HERC1: variants seen among roughly 807,000 people sequenced by gnomAD.
HERC1 encodes the protein probable E3 ubiquitin-protein ligase HERC1.
Under a neutral mutation model 554.3 loss-of-function variants are expected in HERC1, and 160 were observed. The ratio of observed to expected loss-of-function variants is 0.29; its 90% CI spans 0.25 to 0.33. The LOEUF is 0.33. Among genes scored for constraint, HERC1 ranks in the 10% least tolerant of loss-of-function variants. HERC1 has a pLI of 1.00. For missense variants in HERC1, 4,919 were observed against 5,918.5 expected, an observed-to-expected ratio of 0.83 and a Z score of 5.54; for synonymous variants, 2,175 against 2,131.7, an observed-to-expected ratio of 1.02 and a Z score of -0.56.
chr15:63,731,212 T>C (rs1359232375), intron 14 of HERC1, among the ~76,000 whole-genome samples: 2 of 152,190 alleles, frequency 1.3e-5, no homozygotes, highest in African/African-American at 4.8e-5. Context: ...CTGTAAATAA[T>C]CATGTGCTGA....
At chr15:63,826,212 G>C (rs986932774) in intron 1 of HERC1, among the ~76,000 whole-genome samples, 1 of 152,190 alleles carries the variant, frequency 6.6e-6, no homozygotes, top group Admixed American at 6.5e-5. Flanking sequence ...GGCAGCACTT[G>C]TTACCCTAAA....
At chr15:63,750,013 TA>T (rs1286966578) in intron 8 of HERC1, among the ~76,000 whole-genome samples, 1 of 152,214 alleles carries the variant, frequency 6.6e-6, no homozygotes, top group African/African-American at 2.4e-5. Context: ...AAAATAAAAA[TA>T]ACTGGTCATA....
chr15:63,699,767 C>A (rs1596006901), intron 25 of HERC1, among the ~76,000 whole-genome samples: 1 of 118,288 alleles, frequency 8.5e-6, no homozygotes, highest in African/African-American at 2.8e-5. Context: ...AAAATCTTTA[C>A]ATTAGACAGC....
At chr15:63,723,988 T>G (rs1346994442) in intron 18 of HERC1, among the ~76,000 whole-genome samples, 2 of 152,170 alleles carry the variant, frequency 1.3e-5, no homozygotes, top group African/African-American at 4.8e-5. Flanking sequence ...AAAAATCAAT[T>G]CAACCCATAG....
intron 14 of HERC1, among the ~76,000 whole-genome samples, chr15:63,732,153 G>A (rs1206497468): frequency 6.6e-6 from 1 of 151,986 alleles, no homozygotes; most frequent in African/African-American, 2.4e-5. Flanking sequence ...GATGCCAGCC[G>A]CCACGCCTGG....
chr15:63,733,335 T>C (rs550614814), intron 13 of HERC1, among the ~76,000 whole-genome samples, 190 bp from the exon 14 acceptor site: 71 of 152,246 alleles, frequency 4.7e-4, no homozygotes, highest in Middle Eastern at 6.8e-3. Context: ...AAATGCAACT[T>C]ACAGGTTTTT....
chr15:63,781,628 A>G (rs1021982909), intron 1 of HERC1, among the ~76,000 whole-genome samples: 4 of 152,144 alleles, frequency 2.6e-5, no homozygotes, highest in African/African-American at 9.7e-5. Context: ...ACACAACAAT[A>G]TTGAAATTAG....
intron 17 of HERC1, among the ~76,000 whole-genome samples, chr15:63,726,723 T>A (rs976577454): frequency 6.6e-6 from 1 of 152,148 alleles, no homozygotes; most frequent in Non-Finnish European, 1.5e-5. Context: ...CAGGGCCAGA[T>A]AGTTTCACAG....
At position 63,703,109 on chromosome 15, in the gene HERC1, CA is replaced by C. The variant is rs372589572; in HGVS notation, c.4636+3670del. ...TGGGCTACAGAGCGAGACTCTGTCT[CA>C]AAAAAAAAAAAAAAAAAAGAGTAAA... is the stretch of plus-strand genomic sequence containing the variant. On this transcript the variant is annotated intron_variant, in intron 25 of 77. Transcript: ENST00000443617. Among the ~76,000 whole-genome samples, 904 of 91,730 alleles carry C rather than the reference CA, an allele frequency of 9.9e-3. 10 individuals are homozygous for C. The highest frequency in any genetic ancestry group is 0.031 in the African/African-American group (740 of 24,190). 60.2% of individuals were successfully genotyped at this position (91,730 alleles called of 152,430 possible).
Position 63,718,985 on chromosome 15 carries a change from G to C in HERC1, c.3743-88C>G. ...TTATAGCTTTAGTCATCCAACACCT[G>C]AATTTTATCATCTTTCTAAACTGTT... On this transcript the variant is annotated intron_variant, in intron 19 of 77. Coordinates refer to ENST00000443617, the MANE Select transcript of HERC1 (RefSeq NM_003922.4). The surrounding 1 kb of genome is among the most constrained non-coding windows in gnomAD (Gnocchi z 4.2). 2 of 800,088 alleles carry C rather than the reference G, an allele frequency of 2.5e-6. No homozygotes were observed. Among genetic ancestry groups the C allele is most frequent in the East Asian group, 2.6e-5 (1 of 38,906 alleles). The allele number at this position is 800,088 out of a possible 1,614,324, so 49.6% of individuals were successfully genotyped here.
chr15:63,693,075 G>T (rs1348023333), intron 30 of HERC1, among the ~76,000 whole-genome samples: 6 of 151,984 alleles, frequency 3.9e-5, no homozygotes, highest in Non-Finnish European at 7.4e-5. Flanking sequence ...CAGCCACTCA[G>T]GCTGAGGCAG....
At chr15:63,645,362 C>T (rs1051275557) in intron 56 of HERC1, 121 bp downstream of exon 56, 2 of 743,912 alleles carry the variant, frequency 2.7e-6, no homozygotes, top group Admixed American at 3.0e-5. Context: ...TAATGTTACA[C>T]ATTATAAGAA....
Position 63,666,046 on chromosome 15 carries a change from C to T in HERC1, c.8428G>A (p.Ala2810Thr), listed in dbSNP as rs752805265. The T allele has an allele frequency of 6.2e-7, 1 of 1,614,040 alleles. No homozygotes were observed. Among genetic ancestry groups the T allele is most frequent in the African/African-American group, 1.3e-5 (1 of 75,066 alleles). The stretch of plus-strand genomic sequence containing the variant: ...ACGGCTGCTCCAGGCCTAGAGTCTG[C>T]TGTGCTGCCCGACTGGGGCTCCTCT... ...DEEEPQSGSTADSRPGAAVLG... is the reference protein window; with the variant it reads ...DEEEPQSGSTTDSRPGAAVLG... The change falls in exon 42 of 78, where the codon GCA becomes ACA. Residue 2810 changes from alanine (A) to threonine (T), a missense_variant. Transcript: ENST00000443617.
At chr15:63,706,300 GCTTTAT>G (rs2073003407) in intron 25 of HERC1, among the ~76,000 whole-genome samples, 1 of 151,742 alleles carries the variant, frequency 6.6e-6, no homozygotes, top group Non-Finnish European at 1.5e-5. Context: ...TCTCTTACAT[GCTTTAT>G]CTTAATAGGC....
intron 24 of HERC1, among the ~76,000 whole-genome samples, 196 bp from the exon 25 acceptor site, chr15:63,707,027 A>G (rs1201201845): frequency 6.6e-6 from 1 of 152,176 alleles, no homozygotes; most frequent in Non-Finnish European, 1.5e-5. Flanking sequence ...AGCACATATA[A>G]CTCTGAAACA....
In HERC1 at chr15:63,640,193, C is replaced by G. The variant is rs371581302; in HGVS notation, c.11860G>C (p.Asp3954His). 146 of 1,613,824 alleles carry G rather than the reference C, an allele frequency of 9.0e-5. No individual in the cohort carries two copies. The highest frequency in any genetic ancestry group is 1.2e-4 in the Non-Finnish European group (138 of 1,179,844). ...AQFPESFTVP[D>H]LEPVPEDELV... is the part of the protein sequence containing the mutation. Reference sequence around the variant, plus strand: ...TCATCCTCTGGAACAGGTTCTAGATCTGGAACGGTAAAAGATTCTGGAAAC... The same window carrying G: ...TCATCCTCTGGAACAGGTTCTAGATGTGGAACGGTAAAAGATTCTGGAAAC... The change falls in exon 61 of 78, where the codon GAT becomes CAT. Residue 3954 changes from aspartate to histidine, a missense_variant. By Grantham distance (81) the Asp-to-His change is moderately conservative. This residue lies in a region of HERC1 where 1,963 missense variants were observed against 2,228.6 expected (regional missense o/e 0.88). Transcript: ENST00000443617.
At chr15:63,700,454 T>C (rs988583825) in intron 25 of HERC1, among the ~76,000 whole-genome samples, 14 of 152,024 alleles carry the variant, frequency 9.2e-5, no homozygotes, top group African/African-American at 3.1e-4. Flanking sequence ...AACAACAATA[T>C]TCAATGTAGA....
intron 33 of HERC1, among the ~76,000 whole-genome samples, chr15:63,688,975 C>A (rs966313562): frequency 3.9e-5 from 6 of 152,130 alleles, no homozygotes; most frequent in Non-Finnish European, 8.8e-5. Context: ...TAAATCAAAG[C>A]ATGTTGGTCC....
At chr15:63,785,389 G>T (rs2076408067) in intron 1 of HERC1, among the ~76,000 whole-genome samples, 1 of 152,114 alleles carries the variant, frequency 6.6e-6, no homozygotes, top group Non-Finnish European at 1.5e-5. Flanking sequence ...CTGCACTCCA[G>T]CCTGGGCAAT....
Sources: gnomAD v4.1 joint callset for allele counts (sites outside exome capture counted in the v4.1 genomes callset) on GRCh38, gnomAD v4.1.1 for gene constraint, gnomAD v4.1.1 regional missense constraint, Gnocchi (gnomAD v3.1) non-coding constraint, MANE v1.5 for transcripts, NCBI Gene and HGNC (gene_info 2026-07-23, HGNC 2026-07-21) for gene names.